NPTXR: variants seen among roughly 807,000 people sequenced by gnomAD.
NPTXR encodes neuronal pentraxin receptor.
A neutral mutation model predicts 32.2 loss-of-function variants in NPTXR; 12 were observed. The observed-to-expected ratio is 0.37, with a 90% confidence interval of 0.24 to 0.60. The LOEUF (loss-of-function observed/expected upper bound fraction) is 0.60, where lower values mean the gene tolerates loss of function less well. Among genes scored for constraint, NPTXR ranks in the 20% least tolerant of loss-of-function variants. The pLI, the probability that NPTXR is intolerant of heterozygous loss-of-function variation, is 0.66. For synonymous variants in NPTXR, 323 were observed against 315.8 expected, an observed-to-expected ratio of 1.02 and a Z score of -0.24; for missense variants, 612 against 682.9, an observed-to-expected ratio of 0.90 and a Z score of 1.16.
Position 38,822,425 on chromosome 22 carries a change from CAG to C in NPTXR, c.*182_*183del. 3 of 610,930 alleles carry C rather than the reference CAG, an allele frequency of 4.9e-6. No homozygotes were observed. Among genetic ancestry groups the C allele is most frequent in the Middle Eastern group, 4.4e-4 (1 of 2,264 alleles). 37.8% of individuals were successfully genotyped at this position (610,930 alleles called of 1,614,324 possible). A position where few individuals can be genotyped will look rare whatever the true frequency, so the allele number is the denominator to read the frequency against. ...ACGCTCCTCCCCACTCAGGTGGGGA[CAG>C]GGGACACACTCGCAGGGCAGGGCAT... On this transcript the variant is annotated 3_prime_UTR_variant, in exon 5 of 5. Transcript: ENST00000333039.
At chr22:38,826,778 G>C (rs1349210179) in intron 2 of NPTXR, 31 bp from the exon 3 acceptor site, 3 of 1,596,142 alleles carry the variant, frequency 1.9e-6, no homozygotes, top group East Asian at 4.5e-5. Flanking sequence ...CATGGTGGAG[G>C]TCGGTGGACA....
chr22:38,822,761 G>A lies in NPTXR; in HGVS notation c.1351C>T (p.His451Tyr), dbSNP rs138349722. Residue 451 changes from histidine to tyrosine, a missense_variant, in exon 5 of 5, where the codon CAC becomes TAC. By Grantham distance (83) the His-to-Tyr change is moderately conservative. Transcript: ENST00000333039. The stretch of plus-strand genomic sequence containing the variant: ...AGGACCTGGGCTGGTGTCAGGGCGT[G>A]GTCCCACAGGTTAAACTGGGCAATG... 20 of 1,614,044 alleles carry A rather than the reference G, an allele frequency of 1.2e-5. No homozygotes were observed. Among genetic ancestry groups the A allele is most frequent in the Non-Finnish European group, 1.6e-5 (19 of 1,180,020 alleles).
Position 38,826,547 on chromosome 22 carries a change from G to A in NPTXR, c.1051C>T (p.Leu351=). ...ATGGGCTCATGGCCCGCCTCTAGCA[G>A]TACAATCTCGTTGGCCTGCCCGGGC... Residue 351 remains leucine (L), a synonymous_variant, in exon 3 of 5, where the codon CTG becomes TTG. Coordinates refer to ENST00000333039, the MANE Select transcript of NPTXR (RefSeq NM_014293.4). 1 of 1,614,136 alleles carries A rather than the reference G, an allele frequency of 6.2e-7. No individual in the cohort carries two copies. The highest frequency in any genetic ancestry group is 8.5e-7 in the Non-Finnish European group (1 of 1,180,000).
chr22:38,824,687 C>T (rs1043096558), intron 3 of NPTXR, among the ~76,000 whole-genome samples: 2 of 152,172 alleles, frequency 1.3e-5, no homozygotes, highest in South Asian at 4.1e-4. Context: ...TGCCCAATGC[C>T]CTGTCCAGGG....
chr22:38,842,872 G>A (rs1248806289), intron 1 of NPTXR, among the ~76,000 whole-genome samples: 1 of 152,224 alleles, frequency 6.6e-6, no homozygotes, highest in African/African-American at 2.4e-5. Flanking sequence ...AAATGAAAGG[G>A]ACATTTAATG....
At position 38,826,683 on chromosome 22, in the gene NPTXR, C is replaced by CATGTAGTT; in HGVS notation, c.907_914dup (p.Met305IlefsTer51). The CATGTAGTT allele has an allele frequency of 6.2e-7, 1 of 1,614,236 alleles. No individual in the cohort carries two copies. The highest frequency in any genetic ancestry group is 8.5e-7 in the Non-Finnish European group (1 of 1,180,048). On this transcript the variant is annotated frameshift_variant, in exon 3 of 5. Coordinates refer to ENST00000333039, the MANE Select transcript of NPTXR (RefSeq NM_014293.4). LOFTEE classifies it high-confidence loss of function. ...GCAGAGCCTTCCGCACGCGGGCGTA[C>CATGTAGTT]ATGTAGTTGTTACGGATGGGGATGC...
At chr22:38,835,194 GTGGCGGTGCTCCCAGC>G (rs201039711) in intron 1 of NPTXR, among the ~76,000 whole-genome samples, 1,547 of 152,280 alleles carry the variant, frequency 0.01, 19 homozygotes, top group East Asian at 0.06. Flanking sequence ...GGTTCCGCAG[GTGGCGGTGCTCCCAGC>G]TGGCGGTGCT....
In NPTXR at chr22:38,843,940, C is replaced by T; in HGVS notation, c.-82G>A. Reference sequence around the variant, plus strand: ...GGGCGCGGAGCCCGGGCGCGCTGGGCCGAGCGGGGCAGGCGCGGGAGCCGG... The same window carrying T: ...GGGCGCGGAGCCCGGGCGCGCTGGGTCGAGCGGGGCAGGCGCGGGAGCCGG... On this transcript the variant is annotated 5_prime_UTR_variant, in exon 1 of 5. Transcript: ENST00000333039. This position sits in a 1 kb window ranked among gnomAD's most constrained non-coding sequence, Gnocchi z 5.3. 2 of 817,686 alleles carry T rather than the reference C, an allele frequency of 2.4e-6. No individual in the cohort carries two copies. The highest frequency in any genetic ancestry group is 2.9e-6 in the Non-Finnish European group (2 of 679,240). The allele number at this position is 817,686 out of a possible 1,614,324, so 50.7% of individuals were successfully genotyped here.
In NPTXR at chr22:38,835,269, G is replaced by T. The variant is rs117956464; in HGVS notation, c.625-6757C>A. 4.0e-4 allele frequency among the ~76,000 whole-genome samples: 61 copies of T among 152,326 alleles called. 2 individuals carry two copies. The East Asian group carries it at 0.012, about 29-fold the overall frequency. On this transcript the variant is annotated intron_variant, in intron 1 of 4. Coordinates refer to ENST00000333039, the MANE Select transcript of NPTXR (RefSeq NM_014293.4). ...CTGTTCTGGGATGGCCAGGCCACCAGCTCTTGCCAAGGTGGAAGTTTGGGG... is the reference window on the plus strand; with the variant it reads ...CTGTTCTGGGATGGCCAGGCCACCATCTCTTGCCAAGGTGGAAGTTTGGGG...
chr22:38,835,939 G>A (rs541684127), intron 1 of NPTXR, among the ~76,000 whole-genome samples: 1 of 151,708 alleles, frequency 6.6e-6, no homozygotes, highest in Admixed American at 6.6e-5. Context: ...CCCCCCCGCC[G>A]CCCCGGCACC....
In NPTXR at chr22:38,843,957, G is replaced by T; in HGVS notation, c.-99C>A. On this transcript the variant is annotated 5_prime_UTR_variant, in exon 1 of 5. Transcript: ENST00000333039. The surrounding 1 kb of genome is among the most constrained non-coding windows in gnomAD (Gnocchi z 5.3). ...GCGCTGGGCCGAGCGGGGCAGGCGC[G>T]GGAGCCGGAGCCGGAGCCGGAGCCG... The T allele has an allele frequency of 2.9e-6, 2 of 695,310 alleles. No individual in the cohort carries two copies. The highest frequency in any genetic ancestry group is 3.5e-6 in the Non-Finnish European group (2 of 567,566). 43.1% of individuals were successfully genotyped at this position (695,310 alleles called of 1,614,324 possible). A position where few individuals can be genotyped will look rare whatever the true frequency, so the allele number is the denominator to read the frequency against.
intron 1 of NPTXR, among the ~76,000 whole-genome samples, chr22:38,830,902 T>A (rs2146195004): frequency 6.6e-6 from 1 of 152,108 alleles, no homozygotes. Flanking sequence ...ACCTCTTGTG[T>A]AAGAGGTCAC....
Position 38,822,617 on chromosome 22 carries a change from T to C in NPTXR, c.1495A>G (p.Lys499Glu). 6.2e-7 allele frequency: 1 copy of C among 1,610,070 alleles called. No individual in the cohort carries two copies. Among genetic ancestry groups the C allele is most frequent in the Non-Finnish European group, 8.5e-7 (1 of 1,178,706 alleles). Residue 499 changes from lysine to glutamate, a missense_variant, in exon 5 of 5, where the codon AAG (lysine) becomes GAG (glutamate). Lys to Glu is a moderately conservative substitution (Grantham distance 56). Coordinates refer to ENST00000333039, the MANE Select transcript of NPTXR (RefSeq NM_014293.4). ...CTGGATGAGGTGGCCCCTCATGCCT[T>C]GGCCCTCCCCTTGCAGACATCGAAG...
chr22:38,840,458 G>C (rs1042556702), intron 1 of NPTXR, among the ~76,000 whole-genome samples: 2 of 152,078 alleles, frequency 1.3e-5, no homozygotes, highest in African/African-American at 4.8e-5. Context: ...GGGCTGCCTG[G>C]AGGAGGATGG....
chr22:38,841,343 G>C (rs1175101596), intron 1 of NPTXR, among the ~76,000 whole-genome samples: 2 of 152,262 alleles, frequency 1.3e-5, no homozygotes, highest in African/African-American at 2.4e-5. Context: ...AGCCTGGAAG[G>C]CTGACCTGTT....
At position 38,843,719 on chromosome 22, in the gene NPTXR, G is replaced by A; in HGVS notation, c.140C>T (p.Ser47Leu). The A allele has an allele frequency of 2.0e-6, 2 of 993,490 alleles. No homozygotes were observed. Among genetic ancestry groups the A allele is most frequent in the Non-Finnish European group, 2.4e-6 (2 of 837,082 alleles). The allele number at this position is 993,490 out of a possible 1,614,324, so 61.5% of individuals were successfully genotyped here. Residue 47 changes from serine (S) to leucine (L), a missense_variant, in exon 1 of 5, where the codon TCG (serine) becomes TTG (leucine). Coordinates refer to ENST00000333039, the MANE Select transcript of NPTXR (RefSeq NM_014293.4). The surrounding 1 kb of genome is among the most constrained non-coding windows in gnomAD (Gnocchi z 5.3). ...CGGGCCCGGGGACGCGGCGGCGCCC[G>A]AGGCGACCGAAGCATTGTCGGCGCC...
intron 1 of NPTXR, among the ~76,000 whole-genome samples, chr22:38,828,818 T>C (rs991181249): frequency 6.6e-6 from 1 of 152,144 alleles, no homozygotes; most frequent in Admixed American, 6.5e-5. Flanking sequence ...CCCCAGGTGG[T>C]TTCAGGGTGC....
rs2093099248 is a variant in NPTXR at position 38,822,484 on chromosome 22, G to C, written c.*125C>G. On this transcript the variant is annotated 3_prime_UTR_variant, in exon 5 of 5. Transcript: ENST00000333039. The stretch of plus-strand genomic sequence containing the variant: ...GGTGTGGGTACAGGTGAGGGGAAAT[G>C]GGAGGCACAGCCAGGAGTGGGGCAG... 1.3e-6 allele frequency: 1 copy of C among 790,518 alleles called. No individual in the cohort carries two copies. Among genetic ancestry groups the C allele is most frequent in the African/African-American group, 1.7e-5 (1 of 58,432 alleles). 49.0% of individuals were successfully genotyped at this position (790,518 alleles called of 1,614,324 possible). A position where few individuals can be genotyped will look rare whatever the true frequency, so the allele number is the denominator to read the frequency against.
intron 1 of NPTXR, among the ~76,000 whole-genome samples, chr22:38,836,534 C>T (rs904437715): frequency 4.6e-5 from 7 of 152,194 alleles, no homozygotes; most frequent in Non-Finnish European, 8.8e-5. Flanking sequence ...TCCATTTGTA[C>T]GAAGTCCAAA....
Sources: allele counts gnomAD v4.1 joint callset (sites outside exome capture counted in the v4.1 genomes callset), GRCh38; gene constraint gnomAD v4.1.1; non-coding constraint Gnocchi (gnomAD v3.1); transcripts MANE v1.5; gene names NCBI Gene and HGNC (gene_info 2026-07-23, HGNC 2026-07-21).